The following DRD2 variants were observed in gnomAD, a reference collection of about 807,000 sequenced individuals.
DRD2 encodes D(2) dopamine receptor.
DRD2 carries 8 observed loss-of-function variants against 38.0 expected under a neutral mutation model. The ratio of observed to expected loss-of-function variants is 0.21; its 90% CI spans 0.12 to 0.38. The LOEUF is 0.38. Among genes scored for constraint, DRD2 ranks in the 10% least tolerant of loss-of-function variants. DRD2 has a pLI of 1.00. For synonymous variants in DRD2, 230 were observed against 238.6 expected (o/e 0.96, Z 0.33); for missense variants, 403 against 607.7 (o/e 0.66, Z 3.54).
At chr11:113,446,697 A>G (rs1951153383) in intron 1 of DRD2, among the ~76,000 whole-genome samples, 1 of 152,234 alleles carries the variant, frequency 6.6e-6, no homozygotes. Flanking sequence ...AAGCCTCATA[A>G]TAATCCTGTA....
chr11:113,444,606 C>T (rs1434679994), intron 1 of DRD2, among the ~76,000 whole-genome samples: 5 of 152,252 alleles, frequency 3.3e-5, no homozygotes, highest in Admixed American at 3.3e-4. Flanking sequence ...TACACATCCA[C>T]AACCTGAATG....
At chr11:113,472,756 T>A (rs535331461) in intron 1 of DRD2, among the ~76,000 whole-genome samples, 15 of 152,310 alleles carry the variant, frequency 9.8e-5, no homozygotes, top group African/African-American at 3.6e-4. Context: ...AGCACATGCA[T>A]AATGAAAGAC....
chr11:113,452,473 C>T (rs56088605), intron 1 of DRD2, among the ~76,000 whole-genome samples: 21,364 of 77,372 alleles, frequency 0.28, 1,873 homozygotes, highest in East Asian at 0.46. Context: ...TGTGTGTGCG[C>T]GCGCGCGCGC....
intron 1 of DRD2, among the ~76,000 whole-genome samples, chr11:113,439,838 C>CAAAAAAAAAAAAAAAAAAAAAAAAA: frequency 6.2e-5 from 1 of 16,258 alleles, no homozygotes; most frequent in Non-Finnish European, 9.5e-5. Context: ...GGCTCTGTCT[C>CAAAAAAAAAAAAAAAAAAAAAAAAA]AAAAAAAAAA....
intron 1 of DRD2, among the ~76,000 whole-genome samples, chr11:113,447,017 C>A (rs1481831006): frequency 6.6e-6 from 1 of 152,200 alleles, no homozygotes; most frequent in Non-Finnish European, 1.5e-5. Context: ...TCACACCAGA[C>A]AAGAAGAGGG....
At chr11:113,474,857 GAGA>G (rs1266657910) in intron 1 of DRD2, among the ~76,000 whole-genome samples, 2 of 152,112 alleles carry the variant, frequency 1.3e-5, no homozygotes, top group African/African-American at 4.8e-5. Context: ...GGAGGCTACT[GAGA>G]AGGAGGGAGA....
At chr11:113,449,422 A>G (rs965144779) in intron 1 of DRD2, among the ~76,000 whole-genome samples, 2 of 152,120 alleles carry the variant, frequency 1.3e-5, no homozygotes, top group African/African-American at 4.8e-5. Context: ...GTGAGACAGG[A>G]AGGCCTTGGC....
chr11:113,431,081 G>A (rs1950982342), intron 1 of DRD2, among the ~76,000 whole-genome samples: 1 of 152,110 alleles, frequency 6.6e-6, no homozygotes, highest in Non-Finnish European at 1.5e-5. Context: ...CTTTCTCCCA[G>A]GTGGCCCCTG....
At chr11:113,419,544 G>A (rs906871180) in intron 2 of DRD2, among the ~76,000 whole-genome samples, 10 of 133,856 alleles carry the variant, frequency 7.5e-5, no homozygotes, top group South Asian at 2.4e-4. Context: ...GGCAGATTAC[G>A]CAGGCACACA....
intron 1 of DRD2, among the ~76,000 whole-genome samples, chr11:113,472,167 G>T (rs58113363): frequency 6.6e-6 from 1 of 152,202 alleles, no homozygotes; most frequent in Non-Finnish European, 1.5e-5. Flanking sequence ...GTGCATGCAC[G>T]TGTATGCAAA....
chr11:113,426,155 T>G (rs1950939908), intron 1 of DRD2, among the ~76,000 whole-genome samples: 1 of 152,012 alleles, frequency 6.6e-6, no homozygotes, highest in Non-Finnish European at 1.5e-5. Flanking sequence ...GCAAGTCAAT[T>G]TCATGGTCCT....
intron 2 of DRD2, among the ~76,000 whole-genome samples, chr11:113,421,758 T>A (rs1950886369): frequency 6.6e-6 from 1 of 152,156 alleles, no homozygotes; most frequent in African/African-American, 2.4e-5. Flanking sequence ...GAGGGTGCGC[T>A]GATAGGACAT....
chr11:113,442,193 A>G (rs1451570504), intron 1 of DRD2, among the ~76,000 whole-genome samples: 1 of 152,102 alleles, frequency 6.6e-6, no homozygotes, highest in Non-Finnish European at 1.5e-5. Context: ...CAAGGCAGAG[A>G]TCCCTCCCTC....
At chr11:113,425,001 T>C (rs2138181020) in intron 1 of DRD2, 1 of 352,616 alleles carries the variant, frequency 2.8e-6, no homozygotes, top group Non-Finnish European at 5.3e-6. Context: ...ACACTTCAGT[T>C]AACCAGGCTT....
chr11:113,429,712 C>G (rs1212278761), intron 1 of DRD2, among the ~76,000 whole-genome samples: 1 of 152,138 alleles, frequency 6.6e-6, no homozygotes, highest in Non-Finnish European at 1.5e-5. Flanking sequence ...AATCCACTGC[C>G]ACAGAGAAGG....
At chr11:113,455,111 G>A (rs191062416) in intron 1 of DRD2, among the ~76,000 whole-genome samples, 1 of 152,308 alleles carries the variant, frequency 6.6e-6, no homozygotes, top group African/African-American at 2.4e-5. Context: ...CACTTTGGGA[G>A]GCCGAAGTGG....
chr11:113,451,076 C>T (rs1206718252), intron 1 of DRD2, among the ~76,000 whole-genome samples: 1 of 152,156 alleles, frequency 6.6e-6, no homozygotes, highest in African/African-American at 2.4e-5. Flanking sequence ...TGAACCCACC[C>T]TGTAGTTACC....
At chr11:113,433,045 C>T (rs888541774) in intron 1 of DRD2, among the ~76,000 whole-genome samples, 16 of 152,084 alleles carry the variant, frequency 1.1e-4, no homozygotes, top group Non-Finnish European at 1.0e-4. Flanking sequence ...GATGGACAGG[C>T]ACAGTCACTG....
At chr11:113,441,229 A>G (rs577805794) in intron 1 of DRD2, among the ~76,000 whole-genome samples, 1 of 152,204 alleles carries the variant, frequency 6.6e-6, no homozygotes, top group Non-Finnish European at 1.5e-5. Context: ...ATAACATGGA[A>G]TCAACCCATT....
Sources: gnomAD v4.1 joint callset for allele counts (sites outside exome capture counted in the v4.1 genomes callset) on GRCh38, gnomAD v4.1.1 for gene constraint, MANE v1.5 for transcripts, NCBI Gene and HGNC (gene_info 2026-07-23, HGNC 2026-07-21) for gene names.